TENM4: variants seen among roughly 807,000 people sequenced by gnomAD.
TENM4 encodes teneurin transmembrane protein 4.
TENM4 carries 82 observed loss-of-function variants against 243.3 expected under a neutral mutation model. That is an observed-to-expected ratio of 0.34 (90% confidence interval 0.28 to 0.40). TENM4 has a LOEUF of 0.40. Ranked by LOEUF, TENM4 falls within the 10% of genes least tolerant of loss-of-function variation. TENM4 has a pLI of 1.00. For missense variants in TENM4, 3,138 were observed against 3,673.3 expected (o/e 0.85, Z 3.77); for synonymous variants, 1,412 against 1,456.3 (o/e 0.97, Z 0.69).
chr11:79,234,194 T>C (rs1864422845), intron 2 of TENM4, among the ~76,000 whole-genome samples: 2 of 152,134 alleles, frequency 1.3e-5, no homozygotes, highest in African/African-American at 4.8e-5. Context: ...TGGCACTTTC[T>C]TCCCTTTGAC....
chr11:78,848,813 G>A (rs557300245), intron 12 of TENM4, among the ~76,000 whole-genome samples: 83 of 151,084 alleles, frequency 5.5e-4, no homozygotes, highest in Non-Finnish European at 1.0e-3. Flanking sequence ...ATCCTTGCTG[G>A]ATAATGGAAA....
At chr11:79,284,922 A>AT (rs1856222037) in intron 2 of TENM4, among the ~76,000 whole-genome samples, 2 of 152,194 alleles carry the variant, frequency 1.3e-5, no homozygotes, top group Admixed American at 1.3e-4. Context: ...ACAAGAAAAA[A>AT]TTGCCATAAG....
chr11:78,844,201 T>C (rs1281163173), intron 12 of TENM4, among the ~76,000 whole-genome samples: 1 of 152,210 alleles, frequency 6.6e-6, no homozygotes, highest in Non-Finnish European at 1.5e-5. Flanking sequence ...TTCCTCCTTG[T>C]TATTAACTGT....
chr11:78,851,683 C>T (rs2136197499), intron 12 of TENM4, among the ~76,000 whole-genome samples: 1 of 152,236 alleles, frequency 6.6e-6, no homozygotes, highest in African/African-American at 2.4e-5. Flanking sequence ...GATCATGTCC[C>T]TAAACTGTCG....
chr11:78,989,387 CATA>C (rs34617975), intron 6 of TENM4, among the ~76,000 whole-genome samples: 141,964 of 152,102 alleles, frequency 0.93, 66,778 homozygotes, highest in Non-Finnish European at 1. Context: ...TAGAGAGCCA[CATA>C]ATATTTTTTG....
intron 26 of TENM4, among the ~76,000 whole-genome samples, chr11:78,709,978 G>A (rs1308040192): frequency 6.6e-6 from 1 of 152,140 alleles, no homozygotes; most frequent in Non-Finnish European, 1.5e-5. Flanking sequence ...CAGTTTAGAT[G>A]GAAAGGCACA....
chr11:78,884,986 A>G (rs1299712385), intron 9 of TENM4, among the ~76,000 whole-genome samples: 1 of 152,194 alleles, frequency 6.6e-6, no homozygotes, highest in East Asian at 1.9e-4. Context: ...GACAGCATAC[A>G]ATCAAAACTA....
intron 1 of TENM4, among the ~76,000 whole-genome samples, chr11:79,423,888 C>T (rs1325212474): frequency 6.6e-6 from 1 of 152,142 alleles, no homozygotes; most frequent in African/African-American, 2.4e-5. Context: ...TTCAAGTCGA[C>T]GTCAAATGCT....
At chr11:78,897,508 G>C (rs1855825409) in intron 7 of TENM4, among the ~76,000 whole-genome samples, 1 of 152,172 alleles carries the variant, frequency 6.6e-6, no homozygotes, top group South Asian at 2.1e-4. Context: ...ACTTAGAACA[G>C]CACCTGGCCG....
intron 2 of TENM4, among the ~76,000 whole-genome samples, chr11:79,248,753 T>A (rs1364146185): frequency 6.7e-6 from 1 of 150,036 alleles, no homozygotes; most frequent in Non-Finnish European, 1.5e-5. Context: ...CTGCTCGATA[T>A]GGTCAACTTT....
intron 18 of TENM4, among the ~76,000 whole-genome samples, chr11:78,761,171 C>T (rs1242499256): frequency 6.6e-6 from 1 of 151,940 alleles, no homozygotes; most frequent in Non-Finnish European, 1.5e-5. Context: ...TGTTAATTCT[C>T]GGAAGGCTTG....
chr11:79,246,999 CA>C (rs1226100862), intron 2 of TENM4, among the ~76,000 whole-genome samples: 6 of 103,532 alleles, frequency 5.8e-5, no homozygotes, highest in African/African-American at 1.8e-4. Flanking sequence ...AAAAAAAAAA[CA>C]CCCCCCCACC....
At chr11:78,862,131 G>T (rs1351779900) in intron 10 of TENM4, among the ~76,000 whole-genome samples, 2 of 152,120 alleles carry the variant, frequency 1.3e-5, no homozygotes, top group East Asian at 3.9e-4. Context: ...TTGTACAATA[G>T]AATTTCACAC....
chr11:79,287,494 T>C (rs181485596), intron 2 of TENM4, among the ~76,000 whole-genome samples: 35 of 152,312 alleles, frequency 2.3e-4, no homozygotes, highest in African/African-American at 8.2e-4. Flanking sequence ...CTGTAGATCA[T>C]GAATGTCTAG....
intron 6 of TENM4, among the ~76,000 whole-genome samples, chr11:78,939,225 C>T (rs1159005133): frequency 6.6e-6 from 1 of 152,226 alleles, no homozygotes; most frequent in East Asian, 1.9e-4. Context: ...TCTCTCTCCA[C>T]ATACGGCTGA....
intron 6 of TENM4, among the ~76,000 whole-genome samples, chr11:78,956,624 G>A (rs1460408731): frequency 6.6e-6 from 1 of 152,182 alleles, no homozygotes; most frequent in Non-Finnish European, 1.5e-5. Context: ...ACAACCATGA[G>A]TAAGTTGCTA....
chr11:78,989,748 G>A (rs1028239021), intron 6 of TENM4, among the ~76,000 whole-genome samples: 12 of 152,202 alleles, frequency 7.9e-5, no homozygotes, highest in Admixed American at 2.6e-4. Flanking sequence ...ATGGCCTAGC[G>A]TGGAGTATAA....
At chr11:78,908,560 T>C (rs1180574735) in intron 6 of TENM4, among the ~76,000 whole-genome samples, 2 of 152,226 alleles carry the variant, frequency 1.3e-5, no homozygotes, top group Non-Finnish European at 2.9e-5. Context: ...TGTGATACTA[T>C]TTTATTACAC....
intron 1 of TENM4, among the ~76,000 whole-genome samples, chr11:79,367,295 A>T (rs1857694891): frequency 6.6e-6 from 1 of 152,218 alleles, no homozygotes; most frequent in Non-Finnish European, 1.5e-5. Flanking sequence ...CCTTATATGC[A>T]TGGCTACTAG....
Sources: gnomAD v4.1 joint callset for allele counts (sites outside exome capture counted in the v4.1 genomes callset) on GRCh38, gnomAD v4.1.1 for gene constraint, MANE v1.5 for transcripts, NCBI Gene and HGNC (gene_info 2026-07-23, HGNC 2026-07-21) for gene names.